MAP3K20: variants seen among roughly 807,000 people sequenced by gnomAD.
MAP3K20 encodes the protein mitogen-activated protein kinase kinase kinase 20, also known as HCCS-4.
MAP3K20 carries 40 observed loss-of-function variants against 85.7 expected under a neutral mutation model. That is an observed-to-expected ratio of 0.47 (90% CI 0.36 to 0.61). MAP3K20 has a LOEUF of 0.61. MAP3K20 is among the 20% of genes least tolerant of loss of function. MAP3K20 has a pLI of 0.00. For synonymous variants in MAP3K20, 325 were observed against 327.7 expected (o/e 0.99, Z 0.09); for missense variants, 817 against 961.7 (o/e 0.85, Z 1.99).
At chr2:173,084,876 CAG>C (rs1359289079) in intron 1 of MAP3K20, among the ~76,000 whole-genome samples, 2 of 152,166 alleles carry the variant, frequency 1.3e-5, no homozygotes, top group Non-Finnish European at 2.9e-5. Context: ...ACAGTGAGGT[CAG>C]AGAGACACAG....
chr2:173,197,314 T>G (rs1690878122), intron 7 of MAP3K20, among the ~76,000 whole-genome samples: 1 of 152,214 alleles, frequency 6.6e-6, no homozygotes, highest in Non-Finnish European at 1.5e-5. Context: ...ATAATCATAC[T>G]GATCTCAAGA....
chr2:173,155,374 C>T (rs949062460), intron 2 of MAP3K20, among the ~76,000 whole-genome samples: 7 of 152,182 alleles, frequency 4.6e-5, no homozygotes, highest in South Asian at 2.1e-4. Flanking sequence ...TATTATTGTC[C>T]GTCTTTTCCA....
rs201029003 is a variant in MAP3K20, at chr2:173,258,727, T to C, written c.1388T>C (p.Met463Thr). ...TGTAAGTGGAAAATGTATATGGAGA[T>C]GGATGGGGATGAAATTGCAATAACC... ...QDCKWKMYME[M>T]DGDEIAITYI... The change falls in exon 17 of 20, where the codon ATG becomes ACG. Residue 463 changes from methionine (M) to threonine (T), a missense_variant. By Grantham distance (81) the Met-to-Thr change is moderately conservative. Transcript: ENST00000375213. The C allele has an allele frequency of 9.3e-5, 149 of 1,610,788 alleles. No homozygotes were observed. The highest frequency in any genetic ancestry group is 1.2e-4 in the Non-Finnish European group (144 of 1,177,560).
chr2:173,207,396 G>A (rs1226450771), intron 9 of MAP3K20, among the ~76,000 whole-genome samples: 2 of 152,168 alleles, frequency 1.3e-5, no homozygotes, highest in African/African-American at 4.8e-5. Context: ...GGAGTCTGAG[G>A]CAGGAGAATC....
At chr2:173,092,354 TA>T (rs1361508234) in intron 2 of MAP3K20, among the ~76,000 whole-genome samples, 1 of 152,188 alleles carries the variant, frequency 6.6e-6, no homozygotes, top group East Asian at 1.9e-4. Flanking sequence ...TCTCAATCAA[TA>T]AAAATTTTTA....
chr2:173,199,695 G>GT (rs149852851), intron 8 of MAP3K20, among the ~76,000 whole-genome samples: 1 of 130,920 alleles, frequency 7.6e-6, no homozygotes, highest in Non-Finnish European at 1.6e-5. Flanking sequence ...TTTTGTTTTT[G>GT]TTTTTTTAGC....
At chr2:173,192,076 GCTATTTATACTATTATA>G (rs1315377145) in intron 7 of MAP3K20, among the ~76,000 whole-genome samples, 3 of 105,598 alleles carry the variant, frequency 2.8e-5, no homozygotes, top group Non-Finnish European at 6.7e-5. Flanking sequence ...ATACTGCCCT[GCTATTTATACTATTATA>G]CTGCCCTGCT....
intron 2 of MAP3K20, among the ~76,000 whole-genome samples, chr2:173,094,942 T>C (rs562327309): frequency 1.2e-4 from 19 of 152,370 alleles, no homozygotes; most frequent in Admixed American, 3.3e-4. Flanking sequence ...CATTTACTAA[T>C]GTTTTTAGCA....
At position 173,210,205 on chromosome 2, in the gene MAP3K20, T is replaced by C. The variant is rs542757905; in HGVS notation, c.851+370T>C. Reference sequence around the variant, plus strand: ...TGTCTCTACTAAAAATACAAAAAATTAGCCAGGTGTGGTGGCACATGCCTG... The same window carrying C: ...TGTCTCTACTAAAAATACAAAAAATCAGCCAGGTGTGGTGGCACATGCCTG... On this transcript the variant is annotated intron_variant, in intron 10 of 19. Transcript: ENST00000375213. 1.8e-5 allele frequency: 4 copies of C among 216,304 alleles called. No homozygotes were observed. The East Asian group carries it at 3.6e-4, about 20-fold the overall frequency. 13.4% of individuals were successfully genotyped at this position (216,304 alleles called of 1,614,324 possible).
At chr2:173,075,646 C>G, upstream of MAP3K20, 1 of 757,974 alleles carries the variant, frequency 1.3e-6, no homozygotes, top group Non-Finnish European at 1.6e-6. Flanking sequence ...AACACCCCCA[C>G]GGCCCTCCCC....
At chr2:173,146,386 G>A (rs1207439555) in intron 2 of MAP3K20, among the ~76,000 whole-genome samples, 1 of 152,046 alleles carries the variant, frequency 6.6e-6, no homozygotes, top group East Asian at 1.9e-4. Context: ...ATTCATATAT[G>A]TAATACTGAA....
intron 2 of MAP3K20, among the ~76,000 whole-genome samples, chr2:173,152,685 G>C (rs1157225361): frequency 2.0e-5 from 3 of 152,182 alleles, no homozygotes; most frequent in Non-Finnish European, 2.9e-5. Flanking sequence ...GGGTGAGACG[G>C]TATTTAGAAA....
intron 2 of MAP3K20, among the ~76,000 whole-genome samples, chr2:173,162,687 CAAAAA>C (rs10708654): frequency 1.8e-5 from 2 of 108,726 alleles, no homozygotes. Context: ...ACTCCGTCTC[CAAAAA>C]AAAAAAAAAA....
intron 8 of MAP3K20, among the ~76,000 whole-genome samples, chr2:173,203,333 GT>G (rs921728270): frequency 2.0e-5 from 3 of 152,096 alleles, no homozygotes; most frequent in Non-Finnish European, 4.4e-5. Context: ...ACTGAGAAAT[GT>G]AGAGTTTTTA....
At chr2:173,108,473 C>G (rs971003306) in intron 2 of MAP3K20, among the ~76,000 whole-genome samples, 9 of 152,220 alleles carry the variant, frequency 5.9e-5, no homozygotes, top group African/African-American at 2.2e-4. Flanking sequence ...TACACATGTC[C>G]TGTCCCCTTC....
chr2:173,193,412 T>G (rs1690723399), intron 7 of MAP3K20, among the ~76,000 whole-genome samples: 1 of 152,024 alleles, frequency 6.6e-6, no homozygotes, highest in Non-Finnish European at 1.5e-5. Flanking sequence ...ATACATACAT[T>G]GAACTTTTAG....
At chr2:173,126,825 A>C (rs979271178) in intron 2 of MAP3K20, among the ~76,000 whole-genome samples, 1 of 152,216 alleles carries the variant, frequency 6.6e-6, no homozygotes, top group Admixed American at 6.5e-5. Context: ...CAAGCCAGAC[A>C]TTCTGTAGGC....
At chr2:173,222,657 T>G in intron 11 of MAP3K20, 1 of 985,006 alleles carries the variant, frequency 1.0e-6, no homozygotes, top group Non-Finnish European at 1.2e-6. Flanking sequence ...AAAGAGGAAA[T>G]TAAATATTAT....
intron 2 of MAP3K20, among the ~76,000 whole-genome samples, chr2:173,110,422 TA>T (rs992382374): frequency 1.3e-5 from 2 of 150,286 alleles, no homozygotes; most frequent in Non-Finnish European, 1.5e-5. Context: ...CCTGGCTAAT[TA>T]AAAAAAATTT....
Sources: gnomAD v4.1 joint callset for allele counts (sites outside exome capture counted in the v4.1 genomes callset) on GRCh38, gnomAD v4.1.1 for gene constraint, MANE v1.5 for transcripts, NCBI Gene and HGNC (gene_info 2026-07-23, HGNC 2026-07-21) for gene names.